The following AMER2 variants were observed in gnomAD, a reference collection of about 807,000 sequenced individuals.
AMER2 encodes the protein APC membrane recruitment protein 2.
In AMER2, 1 loss-of-function variant was observed where a neutral mutation model predicts 4.7. The ratio of observed to expected loss-of-function variants is 0.21; its 90% confidence interval spans 0.07 to 1.00. The LOEUF is 1.00. AMER2 is among the 50% of genes least tolerant of loss of function. The pLI is 0.60. For missense variants in AMER2, 988 were observed against 966.9 expected (o/e 1.02, Z -0.29); for synonymous variants, 485 against 433.3 (o/e 1.12, Z -1.48).
At position 25,171,042 on chromosome 13, in the gene AMER2, C is replaced by T; in HGVS notation, c.578G>A (p.Gly193Glu). 1 of 1,574,538 alleles carries T rather than the reference C, an allele frequency of 6.4e-7. No individual in the cohort carries two copies. Among genetic ancestry groups the T allele is most frequent in the Non-Finnish European group, 8.6e-7 (1 of 1,161,780 alleles). The change falls in exon 1 of 1, where the codon GGG becomes GAG. Residue 193 changes from glycine to glutamate, a missense_variant. Physicochemically the swap from Gly to Glu is moderately conservative, Grantham distance 98. Coordinates refer to ENST00000515384, the MANE Select transcript of AMER2 (RefSeq NM_152704.4). The surrounding 1 kb of genome is among the most constrained non-coding windows in gnomAD (Gnocchi z 5.9). ...ASKAGGKQKR[G>E]LRGLFSGMRW... Reference sequence around the variant, plus strand: ...CATGCCGCTGAACAGCCCCCGCAGCCCCCGCTTTTGTTTGCCGCCGGCCTT... The same window carrying T: ...CATGCCGCTGAACAGCCCCCGCAGCTCCCGCTTTTGTTTGCCGCCGGCCTT...
Position 25,170,482 on chromosome 13 carries a change from C to T in AMER2, c.1138G>A (p.Gly380Ser). The change falls in exon 1 of 1, where the codon GGC (glycine) becomes AGC (serine). Residue 380 changes from glycine (G) to serine (S), a missense_variant. Physicochemically the swap from Gly to Ser is moderately conservative, Grantham distance 56. Coordinates refer to ENST00000515384, the MANE Select transcript of AMER2 (RefSeq NM_152704.4). This position sits in a 1 kb window ranked among gnomAD's most constrained non-coding sequence, Gnocchi z 7.3. The stretch of plus-strand genomic sequence containing the variant: ...TGGTCTGCAATAATATCTCCACAGC[C>T]TGTAAGAGAGTCAAAGCTTTTCAGT... ...TSLKSFDSLT[G>S]CGDIIADQEE... is the part of the protein sequence containing the mutation. 1 of 1,614,210 alleles carries T rather than the reference C, an allele frequency of 6.2e-7. No individual in the cohort carries two copies.
chr13:25,171,009 T>C lies in AMER2; in HGVS notation c.611A>G (p.His204Arg), dbSNP rs1227544049. Residue 204 changes from histidine to arginine, a missense_variant, in exon 1 of 1, where the codon CAC (histidine) becomes CGC (arginine). Coordinates refer to ENST00000515384, the MANE Select transcript of AMER2 (RefSeq NM_152704.4). This position sits in a 1 kb window ranked among gnomAD's most constrained non-coding sequence, Gnocchi z 5.9. ...CGCCTTGGCCCGCTTGTCTTTCCTG[T>C]GCCAGCGCATGCCGCTGAACAGCCC... ...LRGLFSGMRW[H>R]RKDKRAKAEA... 3 of 1,568,112 alleles carry C rather than the reference T, an allele frequency of 1.9e-6. No individual in the cohort carries two copies. The highest frequency in any genetic ancestry group is 1.7e-6 in the Non-Finnish European group (2 of 1,158,810).
chr13:25,165,831 A>G lies in AMER2; in HGVS notation c.*3773T>C, dbSNP rs965489383. ...GAGAAAAATTCAGATAACTAACAGC[A>G]GGGAATGCATTCCGCCATGCGGACA... On this transcript the variant is annotated 3_prime_UTR_variant, in exon 1 of 1. Transcript: ENST00000515384. 1.3e-5 allele frequency: 2 copies of G among 152,290 alleles called. No homozygotes were observed. Among genetic ancestry groups the G allele is most frequent in the Non-Finnish European group, 2.9e-5 (2 of 68,058 alleles). The allele number at this position is 152,290 out of a possible 1,614,324, so 9.4% of individuals were successfully genotyped here.
chr13:25,166,100 C>T lies in AMER2; in HGVS notation c.*3504G>A, dbSNP rs1276475637. The T allele has an allele frequency of 1.3e-5, 2 of 152,230 alleles. No individual in the cohort carries two copies. Among genetic ancestry groups the T allele is most frequent in the Non-Finnish European group, 2.9e-5 (2 of 68,042 alleles). The allele number at this position is 152,230 out of a possible 1,614,324, so 9.4% of individuals were successfully genotyped here. ...AAAGGGCTATTTGCATACTGTTTAA[C>T]TGCAAATACTTGAAGACTACCTCTG... On this transcript the variant is annotated 3_prime_UTR_variant, in exon 1 of 1. Transcript: ENST00000515384.
rs1234857977 is a variant in AMER2 at position 25,164,216 on chromosome 13, T to G, written c.*5388A>C. 2.0e-5 allele frequency: 3 copies of G among 151,246 alleles called. No homozygotes were observed. Among genetic ancestry groups the G allele is most frequent in the African/African-American group, 7.3e-5 (3 of 41,122 alleles). The allele number at this position is 151,246 out of a possible 1,614,324, so 9.4% of individuals were successfully genotyped here. On this transcript the variant is annotated 3_prime_UTR_variant, in exon 1 of 1. Coordinates refer to ENST00000515384, the MANE Select transcript of AMER2 (RefSeq NM_152704.4). The stretch of plus-strand genomic sequence containing the variant: ...CCACCCAGAACCCACCAAGATGGCT[T>G]AAGGTAGGAATAAAAACAAATGAAA...
Position 25,170,985 on chromosome 13 carries a change from G to A in AMER2, c.635C>T (p.Ala212Val), listed in dbSNP as rs770891345. The change falls in exon 1 of 1, where the codon GCG (alanine) becomes GTG (valine). Residue 212 changes from alanine to valine, a missense_variant. Ala to Val is a moderately conservative substitution (Grantham distance 64, BLOSUM62 0). Coordinates refer to ENST00000515384, the MANE Select transcript of AMER2 (RefSeq NM_152704.4). The surrounding 1 kb of genome is among the most constrained non-coding windows in gnomAD (Gnocchi z 7.3). ...RWHRKDKRAK[A>V]EAAEGRAPGG... ...GGGCGCGCGCCCCTCCGCGGCCTCC[G>A]CCTTGGCCCGCTTGTCTTTCCTGTG... The A allele has an allele frequency of 1.3e-6, 2 of 1,560,962 alleles. No individual in the cohort carries two copies. Among genetic ancestry groups the A allele is most frequent in the East Asian group, 2.6e-5 (1 of 38,274 alleles).
Position 25,170,755 on chromosome 13 carries a change from G to A in AMER2, c.865C>T (p.His289Tyr), listed in dbSNP as rs1956552045. The A allele has an allele frequency of 7.2e-7, 1 of 1,395,692 alleles. No individual in the cohort carries two copies. Among genetic ancestry groups the A allele is most frequent in the African/African-American group, 1.5e-5 (1 of 65,498 alleles). The allele number at this position is 1,395,692 out of a possible 1,614,324, so 86.5% of individuals were successfully genotyped here. ...CCCCGGGCGCCGGTGTCGCCGGGGT[G>A]CGCGAGGCCCTCTGCCTCTCGGCAG... The part of the protein sequence containing the change: ...RSCREAEGLA[H>Y]PGDTGARGED... Residue 289 changes from histidine (H) to tyrosine (Y), a missense_variant, in exon 1 of 1, where the codon CAC becomes TAC. Physicochemically the swap from His to Tyr is moderately conservative, Grantham distance 83. Coordinates refer to ENST00000515384, the MANE Select transcript of AMER2 (RefSeq NM_152704.4). This position sits in a 1 kb window ranked among gnomAD's most constrained non-coding sequence, Gnocchi z 7.3.
rs1566010725 is a variant in AMER2 at position 25,161,733 on chromosome 13, G to C, written c.*7871C>G. 1 of 152,204 alleles carries C rather than the reference G, an allele frequency of 6.6e-6. No homozygotes were observed. The highest frequency in any genetic ancestry group is 1.5e-5 in the Non-Finnish European group (1 of 68,038). 9.4% of individuals were successfully genotyped at this position (152,204 alleles called of 1,614,324 possible). ...TTTATTGACTGAATTAAACACAACA[G>C]TAAAATGGCAGTGTTGTAATTTCAT... On this transcript the variant is annotated 3_prime_UTR_variant, in exon 1 of 1. Transcript: ENST00000515384.
Position 25,170,622 on chromosome 13 carries a change from A to T in AMER2, c.998T>A (p.Val333Asp). The T allele has an allele frequency of 1.3e-6, 2 of 1,566,582 alleles. No homozygotes were observed. The highest frequency in any genetic ancestry group is 1.7e-6 in the Non-Finnish European group (2 of 1,155,148). Reference protein sequence around the residue: ...GAVPVKTVPLVDSEGGSGRAP... With the variant: ...GAVPVKTVPLDDSEGGSGRAP... ...CCGGCCGCTGCCGCCTTCGGAGTCG[A>T]CAAGGGGGACCGTCTTTACGGGAAC... The change falls in exon 1 of 1, where the codon GTC (valine) becomes GAC (aspartate). Residue 333 changes from valine (V) to aspartate (D), a missense_variant. Coordinates refer to ENST00000515384, the MANE Select transcript of AMER2 (RefSeq NM_152704.4). This position sits in a 1 kb window ranked among gnomAD's most constrained non-coding sequence, Gnocchi z 7.3.
chr13:25,169,541 G>C lies in AMER2; in HGVS notation c.*63C>G. 1 of 1,513,490 alleles carries C rather than the reference G, an allele frequency of 6.6e-7. No individual in the cohort carries two copies. Among genetic ancestry groups the C allele is most frequent in the Non-Finnish European group, 8.8e-7 (1 of 1,133,630 alleles). The allele number at this position is 1,513,490 out of a possible 1,614,324, so 93.8% of individuals were successfully genotyped here. A position where few individuals can be genotyped will look rare whatever the true frequency, so the allele number is the denominator to read the frequency against. On this transcript the variant is annotated 3_prime_UTR_variant, in exon 1 of 1. Transcript: ENST00000515384. The surrounding 1 kb of genome is among the most constrained non-coding windows in gnomAD (Gnocchi z 4.2). ...TTTAGGAAAAGCAAAACTTACTTTA[G>C]TGGTTTCCAGGGAAAAGTTGTATTC...
Position 25,170,414 on chromosome 13 carries a change from C to A in AMER2, c.1206G>T (p.Gly402=). 6.2e-7 allele frequency: 1 copy of A among 1,614,078 alleles called. No individual in the cohort carries two copies. Among genetic ancestry groups the A allele is most frequent in the Non-Finnish European group, 8.5e-7 (1 of 1,179,984 alleles). Residue 402 remains glycine (G), a synonymous_variant, in exon 1 of 1, where the codon GGG becomes GGT. Transcript: ENST00000515384. The surrounding 1 kb of genome is among the most constrained non-coding windows in gnomAD (Gnocchi z 7.3). ...TTTTAGACAGAGCCGGCTTGCCTGG[C>A]CCGGGGACATGCTTGTCACAGCTGG... ...AGPSCDKHVP[G]PGKPALSKKN... is the part of the protein sequence containing the mutation.
In AMER2 at chr13:25,171,578, G is replaced by C. The variant is rs746237286; in HGVS notation, c.42C>G (p.Ser14Arg). Residue 14 changes from serine to arginine, a missense_variant, in exon 1 of 1, where the codon AGC (serine) becomes AGG (arginine). Ser to Arg is a moderately radical substitution (Grantham distance 110). Coordinates refer to ENST00000515384, the MANE Select transcript of AMER2 (RefSeq NM_152704.4). This position sits in a 1 kb window ranked among gnomAD's most constrained non-coding sequence, Gnocchi z 5.9. Reference sequence around the variant, plus strand: ...CGGACGCGCCAGCTCCGCCGCGCTCGCTGACAGCCCCGCCGCCGCCGCGGC... The same window carrying C: ...CGGACGCGCCAGCTCCGCCGCGCTCCCTGACAGCCCCGCCGCCGCCGCGGC... ...SRSRGGGGAVSERGGAGASVG... is the reference protein window; with the variant it reads ...SRSRGGGGAVRERGGAGASVG... 6.5e-7 allele frequency: 1 copy of C among 1,527,590 alleles called. No individual in the cohort carries two copies. The highest frequency in any genetic ancestry group is 8.7e-7 in the Non-Finnish European group (1 of 1,150,710). 94.6% of individuals were successfully genotyped at this position (1,527,590 alleles called of 1,614,324 possible).
At position 25,163,604 on chromosome 13, in the gene AMER2, G is replaced by A. The variant is rs1327990884; in HGVS notation, c.*6000C>T. ...CCAGTCACAGAAGGACAAATACTGCGCGTTTCCACTTCTATAAGGGATCTA... is the reference window on the plus strand; with the variant it reads ...CCAGTCACAGAAGGACAAATACTGCACGTTTCCACTTCTATAAGGGATCTA... On this transcript the variant is annotated 3_prime_UTR_variant, in exon 1 of 1. Transcript: ENST00000515384. 3 of 151,474 alleles carry A rather than the reference G, an allele frequency of 2.0e-5. No individual in the cohort carries two copies. Among genetic ancestry groups the A allele is most frequent in the Admixed American group, 1.3e-4 (2 of 15,192 alleles). The allele number at this position is 151,474 out of a possible 1,614,324, so 9.4% of individuals were successfully genotyped here.
rs1420188848 is a variant in AMER2, at chr13:25,164,545, GAGTTTATA to G, written c.*5051_*5058del. 1 of 149,970 alleles carries G rather than the reference GAGTTTATA, an allele frequency of 6.7e-6. No homozygotes were observed. Among genetic ancestry groups the G allele is most frequent in the Non-Finnish European group, 1.5e-5 (1 of 67,790 alleles). 9.3% of individuals were successfully genotyped at this position (149,970 alleles called of 1,614,324 possible). A position where few individuals can be genotyped will look rare whatever the true frequency, so the allele number is the denominator to read the frequency against. On this transcript the variant is annotated 3_prime_UTR_variant, in exon 1 of 1. Coordinates refer to ENST00000515384, the MANE Select transcript of AMER2 (RefSeq NM_152704.4). ...CTCTCTATTACTGAAAATCACTAAA[GAGTTTATA>G]TCCCTGTCCTAGAGACTAGGGGAAA...
chr13:25,168,534 T>C lies in AMER2; in HGVS notation c.*1070A>G, dbSNP rs983956694. The C allele has an allele frequency of 6.6e-6, 1 of 152,010 alleles. No homozygotes were observed. The highest frequency in any genetic ancestry group is 2.4e-5 in the African/African-American group (1 of 41,374). 9.4% of individuals were successfully genotyped at this position (152,010 alleles called of 1,614,324 possible). A position where few individuals can be genotyped will look rare whatever the true frequency, so the allele number is the denominator to read the frequency against. ...CCAGCACAATAGATTTTTTTTTTTT[T>C]TGAGAACCAGAGAACCCATATAAAA... On this transcript the variant is annotated 3_prime_UTR_variant, in exon 1 of 1. Transcript: ENST00000515384.
Position 25,166,893 on chromosome 13 carries a change from T to C in AMER2, c.*2711A>G, listed in dbSNP as rs1430689657. 6.6e-6 allele frequency: 1 copy of C among 152,140 alleles called. No homozygotes were observed. Among genetic ancestry groups the C allele is most frequent in the Non-Finnish European group, 1.5e-5 (1 of 68,020 alleles). The allele number at this position is 152,140 out of a possible 1,614,324, so 9.4% of individuals were successfully genotyped here. On this transcript the variant is annotated 3_prime_UTR_variant, in exon 1 of 1. Coordinates refer to ENST00000515384, the MANE Select transcript of AMER2 (RefSeq NM_152704.4). ...GCCACTCCAGGGATTTCCCATCAAG[T>C]GATTGAGGCTGTTTAATTCATTGCC...
rs2137440859 is a variant in AMER2 at position 25,169,212 on chromosome 13, A to C, written c.*392T>G. On this transcript the variant is annotated 3_prime_UTR_variant, in exon 1 of 1. Transcript: ENST00000515384. This position sits in a 1 kb window ranked among gnomAD's most constrained non-coding sequence, Gnocchi z 4.2. Reference sequence around the variant, plus strand: ...TTCAGCGGTTCCTTCAGGCCTCTAGACACTGGCTTATCCCAATATCCAGGC... The same window carrying C: ...TTCAGCGGTTCCTTCAGGCCTCTAGCCACTGGCTTATCCCAATATCCAGGC... The C allele has an allele frequency of 6.2e-6, 1 of 160,032 alleles. No homozygotes were observed. The highest frequency in any genetic ancestry group is 1.9e-4 in the East Asian group (1 of 5,368). The allele number at this position is 160,032 out of a possible 1,614,324, so 9.9% of individuals were successfully genotyped here. A position where few individuals can be genotyped will look rare whatever the true frequency, so the allele number is the denominator to read the frequency against.
At position 25,168,078 on chromosome 13, in the gene AMER2, A is replaced by C. The variant is rs1396334369; in HGVS notation, c.*1526T>G. ...GATTAAATACACTGAAGTGTATTTC[A>C]AAAAGGATATTAATTTCATCATTAG... is the stretch of plus-strand genomic sequence containing the variant. On this transcript the variant is annotated 3_prime_UTR_variant, in exon 1 of 1. Transcript: ENST00000515384. 2 of 152,206 alleles carry C rather than the reference A, an allele frequency of 1.3e-5. No individual in the cohort carries two copies. The highest frequency in any genetic ancestry group is 4.8e-5 in the African/African-American group (2 of 41,462). 9.4% of individuals were successfully genotyped at this position (152,206 alleles called of 1,614,324 possible).
In AMER2 at chr13:25,163,063, G is replaced by C. The variant is rs1020329325; in HGVS notation, c.*6541C>G. 17 of 152,158 alleles carry C rather than the reference G, an allele frequency of 1.1e-4. No homozygotes were observed. Among genetic ancestry groups the C allele is most frequent in the Admixed American group, 6.6e-4 (10 of 15,266 alleles). The allele number at this position is 152,158 out of a possible 1,614,324, so 9.4% of individuals were successfully genotyped here. A position where few individuals can be genotyped will look rare whatever the true frequency, so the allele number is the denominator to read the frequency against. On this transcript the variant is annotated 3_prime_UTR_variant, in exon 1 of 1. Coordinates refer to ENST00000515384, the MANE Select transcript of AMER2 (RefSeq NM_152704.4). ...ATTCAGTGGCTGTAGACACAACATA[G>C]GACGGACAGCTATTAAAGGAGCCAA...
Sources: allele counts gnomAD v4.1 joint callset, GRCh38; gene constraint gnomAD v4.1.1; non-coding constraint Gnocchi (gnomAD v3.1); transcripts MANE v1.5; gene names NCBI Gene and HGNC (gene_info 2026-07-23, HGNC 2026-07-21).